HGD: variants seen among roughly 807,000 people sequenced by gnomAD.
The protein encoded by HGD is homogentisate oxidase.
In HGD, 61 loss-of-function variants were observed where a neutral mutation model predicts 60.8. The ratio of observed to expected loss-of-function variants is 1.00; its 90% CI spans 0.82 to 1.24. HGD has a LOEUF of 1.24. Among genes scored for constraint, HGD ranks in the 50% most tolerant of loss-of-function variants. The pLI, the probability that HGD is intolerant of heterozygous loss-of-function variation, is 0.00. For missense variants in HGD, 542 were observed against 547.1 expected, an observed-to-expected ratio of 0.99 and a Z score of 0.09; for synonymous variants, 212 against 187.7, an observed-to-expected ratio of 1.13 and a Z score of -1.06.
rs1708119930 is a variant in HGD at position 120,675,848 on chromosome 3, C to CAAT, written c.30_31insATT (p.Phe10_Gly11insIle). On this transcript the variant is annotated inframe_insertion, in exon 2 of 14. Transcript: ENST00000283871. Reference sequence around the variant, plus strand: ...GGATCCTCTGAAGAACACTCATTCCCAAATCCAGAAATGTACTGTAGGTGA... The same window carrying CAAT: ...GGATCCTCTGAAGAACACTCATTCCCAATAAATCCAGAAATGTACTGTAGGTGA... 6.2e-7 allele frequency: 1 copy of CAAT among 1,613,296 alleles called. No homozygotes were observed. Among genetic ancestry groups the CAAT allele is most frequent in the Non-Finnish European group, 8.5e-7 (1 of 1,179,462 alleles).
intron 13 of HGD, among the ~76,000 whole-genome samples, chr3:120,631,216 C>G (rs1370023138): frequency 2.0e-5 from 3 of 151,556 alleles, no homozygotes; most frequent in Admixed American, 6.6e-5. Context: ...CACATGTACC[C>G]CTGAACCTCA....
chr3:120,644,448 A>G lies in HGD; in HGVS notation c.650-5T>C. 1 of 1,614,122 alleles carries G rather than the reference A, an allele frequency of 6.2e-7. No individual in the cohort carries two copies. Among genetic ancestry groups the G allele is most frequent in the Non-Finnish European group, 8.5e-7 (1 of 1,180,000 alleles). ...GATTGGCCAAGCCATTGGCCCCTAG[A>G]AAACAGTAACCCAAAAGTCTTTTAG... On this transcript the variant is annotated splice_region_variant and splice_polypyrimidine_tract_variant and intron_variant, in intron 9 of 13. Coordinates refer to ENST00000283871, the MANE Select transcript of HGD (RefSeq NM_000187.4).
rs766904253 is a variant in HGD, at chr3:120,641,663, G to A, written c.805C>T (p.His269Tyr). The part of the protein sequence containing the change: ...DVSPFNVVAW[H>Y]GNYTPYKYNL... ...TACTTGTAGGGTGTATAATTCCCGT[G>A]CCAGGCCACAACATTGAACGGGGAG... is the stretch of plus-strand genomic sequence containing the variant. Residue 269 changes from histidine to tyrosine, a missense_variant, in exon 11 of 14, where the codon CAC (histidine) becomes TAC (tyrosine). His to Tyr is a moderately conservative substitution (Grantham distance 83). This residue lies in a region of HGD where 537 missense variants were observed against 529.1 expected (regional missense o/e 1.01). Transcript: ENST00000283871. The A allele has an allele frequency of 1.9e-6, 3 of 1,613,598 alleles. No homozygotes were observed. In the African/African-American group the frequency reaches 4.0e-5, roughly 22 times the overall value.
intron 1 of HGD, among the ~76,000 whole-genome samples, chr3:120,679,958 G>C (rs1029675877): frequency 6.6e-6 from 1 of 152,220 alleles, no homozygotes; most frequent in South Asian, 2.1e-4. Context: ...GAGGAAATCA[G>C]TTACGTAGAA....
chr3:120,647,706 C>G (rs1941209157), intron 7 of HGD, among the ~76,000 whole-genome samples, 171 bp downstream of exon 7: 1 of 152,150 alleles, frequency 6.6e-6, no homozygotes, highest in South Asian at 2.1e-4. Context: ...TTGAGGTACA[C>G]TAGAAATCTT....
chr3:120,638,911 T>C (rs1940877291), intron 11 of HGD, among the ~76,000 whole-genome samples: 1 of 152,076 alleles, frequency 6.6e-6, no homozygotes, highest in Non-Finnish European at 1.5e-5. Context: ...GTTTTTCCCA[T>C]GCTGTTCTCA....
chr3:120,658,081 C>T (rs925211118), intron 4 of HGD, among the ~76,000 whole-genome samples: 2 of 152,132 alleles, frequency 1.3e-5, no homozygotes, highest in Non-Finnish European at 2.9e-5. Context: ...TATTATTCTG[C>T]CCTTGGCTCC....
At chr3:120,645,274 G>A (rs963920148) in intron 9 of HGD, among the ~76,000 whole-genome samples, 1 of 152,124 alleles carries the variant, frequency 6.6e-6, no homozygotes, top group African/African-American at 2.4e-5. Context: ...GATGACAGAC[G>A]GCCCACCACG....
At chr3:120,681,701 A>G (rs1279905122) in intron 1 of HGD, among the ~76,000 whole-genome samples, 1 of 152,216 alleles carries the variant, frequency 6.6e-6, no homozygotes. Flanking sequence ...AATTAACTAA[A>G]TAGATCAAGC....
intron 13 of HGD, among the ~76,000 whole-genome samples, chr3:120,630,833 CACACACACAT>C (rs1940567359): frequency 1.3e-5 from 1 of 76,708 alleles, no homozygotes; most frequent in Non-Finnish European, 2.5e-5. Context: ...TATACACATA[CACACACACAT>C]ACACACACAC....
At chr3:120,635,964 C>T (rs1172778952) in intron 12 of HGD, among the ~76,000 whole-genome samples, 1 of 151,944 alleles carries the variant, frequency 6.6e-6, no homozygotes, top group African/African-American at 2.4e-5. Context: ...AATCCCCTGA[C>T]TTGCCAGTGA....
chr3:120,646,236 C>T lies in HGD; in HGVS notation c.649+31G>A, dbSNP rs376223608. 2.7e-3 allele frequency: 3,580 copies of T among 1,307,890 alleles called. 11 individuals carry two copies. The highest frequency in any genetic ancestry group is 3.2e-3 in the Non-Finnish European group (2,896 of 900,656). 81.0% of individuals were successfully genotyped at this position (1,307,890 alleles called of 1,614,324 possible). On this transcript the variant is annotated intron_variant, in intron 9 of 13. Transcript: ENST00000283871. Reference sequence around the variant, plus strand: ...AATTATCTGAGTCCTACATCTCAAGCGAGGCTTAGAGGCTTGTAATGAAGA... The same window carrying T: ...AATTATCTGAGTCCTACATCTCAAGTGAGGCTTAGAGGCTTGTAATGAAGA...
intron 4 of HGD, among the ~76,000 whole-genome samples, chr3:120,661,303 C>T (rs1351046364): frequency 6.6e-6 from 1 of 152,194 alleles, no homozygotes; most frequent in African/African-American, 2.4e-5. Flanking sequence ...CTGAATCACC[C>T]TGGCCAGTCT....
At chr3:120,639,432 A>G (rs950969037) in intron 11 of HGD, among the ~76,000 whole-genome samples, 30 of 152,216 alleles carry the variant, frequency 2.0e-4, no homozygotes, top group African/African-American at 7.2e-4. Context: ...AGGTGCAATA[A>G]TCACTCATAT....
At chr3:120,658,549 T>C (rs1941568485) in intron 4 of HGD, among the ~76,000 whole-genome samples, 1 of 152,196 alleles carries the variant, frequency 6.6e-6, no homozygotes, top group African/African-American at 2.4e-5. Context: ...CTGTGGCTTT[T>C]TCAGGTGCAC....
intron 4 of HGD, among the ~76,000 whole-genome samples, chr3:120,658,260 T>C (rs1293505852): frequency 6.6e-6 from 1 of 152,212 alleles, no homozygotes; most frequent in Non-Finnish European, 1.5e-5. Context: ...AGTTAGTTAC[T>C]TCCAAGATAC....
In HGD at chr3:120,665,007, A is replaced by C. The variant is rs186394586; in HGVS notation, c.282+5420T>G. On this transcript the variant is annotated intron_variant, in intron 4 of 13. Transcript: ENST00000283871. The stretch of plus-strand genomic sequence containing the variant: ...TGAATTGCATAGGGTTAAAGAGTGA[A>C]TGAGGGTGATAAAGTGGGTTTAGAT... 2.1e-4 allele frequency among the ~76,000 whole-genome samples: 32 copies of C among 152,310 alleles called. No homozygotes were observed. The East Asian group carries it at 4.8e-3, about 23-fold the overall frequency.
intron 12 of HGD, among the ~76,000 whole-genome samples, chr3:120,634,134 C>G (rs948513436): frequency 1.4e-4 from 21 of 152,278 alleles, no homozygotes; most frequent in African/African-American, 5.1e-4. Context: ...CTCCCGGGCT[C>G]TGCCTGGATG....
chr3:120,652,114 A>T (rs927876278), intron 5 of HGD, among the ~76,000 whole-genome samples: 3 of 152,210 alleles, frequency 2.0e-5, no homozygotes, highest in Non-Finnish European at 4.4e-5. Flanking sequence ...TTTTCCATAG[A>T]TATTATGATT....
Sources: gnomAD v4.1 joint callset for allele counts (sites outside exome capture counted in the v4.1 genomes callset) on GRCh38, gnomAD v4.1.1 for gene constraint, gnomAD v4.1.1 regional missense constraint, MANE v1.5 for transcripts, NCBI Gene and HGNC (gene_info 2026-07-23, HGNC 2026-07-21) for gene names.